The following CNTN5 variants were observed in gnomAD, a reference collection of about 807,000 sequenced individuals.
The protein encoded by CNTN5 is contactin 5.
Under a neutral mutation model 129.1 loss-of-function variants are expected in CNTN5, and 77 were observed. The observed-to-expected ratio is 0.60, with a 90% CI of 0.50 to 0.72. CNTN5 has a LOEUF of 0.72. Ranked by LOEUF, CNTN5 falls within the 30% of genes least tolerant of loss-of-function variation. The pLI, the probability that CNTN5 is intolerant of heterozygous loss-of-function variation, is 0.00. For synonymous variants in CNTN5, 509 were observed against 465.6 expected (o/e 1.09, Z -1.20); for missense variants, 1,478 against 1,328.8 (o/e 1.11, Z -1.75).
intron 1 of CNTN5, among the ~76,000 whole-genome samples, chr11:99,310,105 A>T (rs1865046068): frequency 6.6e-6 from 1 of 152,190 alleles, no homozygotes; most frequent in South Asian, 2.1e-4. Flanking sequence ...ATGCAAAATT[A>T]TACAATTCAA....
intron 15 of CNTN5, among the ~76,000 whole-genome samples, chr11:100,207,202 A>G (rs1948934586): frequency 6.6e-6 from 1 of 152,156 alleles, no homozygotes; most frequent in Admixed American, 6.6e-5. Context: ...TATACTGATG[A>G]GAGAAATAAA....
At chr11:100,166,798 G>C (rs1180052592) in intron 13 of CNTN5, among the ~76,000 whole-genome samples, 1 of 151,594 alleles carries the variant, frequency 6.6e-6, no homozygotes, top group Non-Finnish European at 1.5e-5. Flanking sequence ...TTCTCTGTTT[G>C]GTCAGATATC....
chr11:99,105,385 G>A (rs993373433), intron 1 of CNTN5, among the ~76,000 whole-genome samples: 1 of 152,076 alleles, frequency 6.6e-6, no homozygotes, highest in Non-Finnish European at 1.5e-5. Context: ...GTTATGTCCT[G>A]GACATGATAA....
At chr11:99,702,531 T>G (rs1183265917) in intron 3 of CNTN5, among the ~76,000 whole-genome samples, 1 of 150,952 alleles carries the variant, frequency 6.6e-6, no homozygotes, top group Non-Finnish European at 1.5e-5. Context: ...ATAATCAGTT[T>G]TGTTATAATA....
At chr11:99,138,000 G>C (rs1019492464) in intron 1 of CNTN5, among the ~76,000 whole-genome samples, 12 of 152,042 alleles carry the variant, frequency 7.9e-5, no homozygotes, top group Non-Finnish European at 1.5e-4. Context: ...TAAAACACTT[G>C]TTCATACAAT....
At chr11:99,809,818 GTCTGA>G (rs1270584092) in intron 3 of CNTN5, among the ~76,000 whole-genome samples, 1 of 152,010 alleles carries the variant, frequency 6.6e-6, no homozygotes, top group Non-Finnish European at 1.5e-5. Flanking sequence ...ATAAAATACT[GTCTGA>G]TCTATCTTAA....
chr11:99,813,715 A>G (rs917943059), intron 3 of CNTN5, among the ~76,000 whole-genome samples: 2 of 152,182 alleles, frequency 1.3e-5, no homozygotes, highest in African/African-American at 4.8e-5. Context: ...AAAAGTTTCC[A>G]GTGAAATAGG....
intron 1 of CNTN5, among the ~76,000 whole-genome samples, chr11:99,129,251 G>A (rs901707347): frequency 2.0e-5 from 3 of 152,088 alleles, no homozygotes; most frequent in African/African-American, 4.8e-5. Flanking sequence ...AGTTTAGAGA[G>A]GAACATAAAT....
intron 1 of CNTN5, among the ~76,000 whole-genome samples, chr11:99,112,664 G>A (rs1244092092): frequency 1.3e-5 from 2 of 151,862 alleles, no homozygotes; most frequent in Non-Finnish European, 1.5e-5. Context: ...ACATTTAAGT[G>A]CCCTTCAGGG....
At chr11:100,175,873 T>C (rs1274245076) in intron 13 of CNTN5, among the ~76,000 whole-genome samples, 1 of 152,126 alleles carries the variant, frequency 6.6e-6, no homozygotes, top group Non-Finnish European at 1.5e-5. Flanking sequence ...TTTAAGACTT[T>C]CATAGGTCCT....
intron 18 of CNTN5, among the ~76,000 whole-genome samples, chr11:100,291,828 T>C (rs897132298): frequency 1.3e-5 from 2 of 150,474 alleles, no homozygotes; most frequent in African/African-American, 4.9e-5. Flanking sequence ...AGGAAAAATA[T>C]TTTTTCTACA....
At chr11:99,376,645 G>A (rs1245529725) in intron 2 of CNTN5, among the ~76,000 whole-genome samples, 1 of 152,068 alleles carries the variant, frequency 6.6e-6, no homozygotes, top group Non-Finnish European at 1.5e-5. Flanking sequence ...TATGCCAAAT[G>A]GCAGGAAGTG....
At chr11:99,224,958 T>G (rs1462077556) in intron 1 of CNTN5, among the ~76,000 whole-genome samples, 1 of 152,052 alleles carries the variant, frequency 6.6e-6, no homozygotes, top group East Asian at 1.9e-4. Context: ...TTTAGAGGAT[T>G]AATTTTGGAG....
intron 2 of CNTN5, among the ~76,000 whole-genome samples, chr11:99,428,944 C>A (rs530276640): frequency 2.0e-5 from 3 of 152,028 alleles, no homozygotes; most frequent in Admixed American, 6.5e-5. Context: ...ATACAAAATG[C>A]CTTATTTATA....
chr11:100,241,338 CAACTCATGTAA>C (rs1949737998), intron 16 of CNTN5, among the ~76,000 whole-genome samples: 2 of 152,146 alleles, frequency 1.3e-5, no homozygotes, highest in African/African-American at 4.8e-5. Flanking sequence ...TCTACAACTT[CAACTCATGTAA>C]AACTACATTA....
chr11:99,346,983 C>T (rs1937924176), intron 2 of CNTN5, among the ~76,000 whole-genome samples: 1 of 152,242 alleles, frequency 6.6e-6, no homozygotes, highest in African/African-American at 2.4e-5. Context: ...GCAGCCCAGA[C>T]TGACAAAGAC....
intron 3 of CNTN5, among the ~76,000 whole-genome samples, chr11:99,812,158 C>T (rs1036262806): frequency 6.6e-6 from 1 of 152,018 alleles, no homozygotes; most frequent in Non-Finnish European, 1.5e-5. Flanking sequence ...GTTGCTCTAG[C>T]CAATAGAATC....
At chr11:99,634,334 C>T (rs576312399) in intron 3 of CNTN5, among the ~76,000 whole-genome samples, 2 of 152,188 alleles carry the variant, frequency 1.3e-5, no homozygotes, top group South Asian at 4.2e-4. Flanking sequence ...ACAGTGTTCA[C>T]CAGTGCACAT....
At chr11:100,261,479 C>T (rs1950195829) in intron 17 of CNTN5, among the ~76,000 whole-genome samples, 1 of 152,028 alleles carries the variant, frequency 6.6e-6, no homozygotes, top group East Asian at 1.9e-4. Flanking sequence ...AAAAAGAGCC[C>T]GCATAGCCAA....
Sources: gnomAD v4.1 joint callset for allele counts (sites outside exome capture counted in the v4.1 genomes callset) on GRCh38, gnomAD v4.1.1 for gene constraint, MANE v1.5 for transcripts, NCBI Gene and HGNC (gene_info 2026-07-23, HGNC 2026-07-21) for gene names.